TAS2R1: variants seen among roughly 807,000 people sequenced by gnomAD.
TAS2R1 encodes the protein taste receptor type 2 member 1.
For synonymous variants in TAS2R1, 141 were observed against 134.2 expected, an observed-to-expected ratio of 1.05 and a Z score of -0.35; for missense variants, 370 against 353.4, an observed-to-expected ratio of 1.05 and a Z score of -0.38.
chr5:9,786,452 T>A, the TAS2R1 span, among the ~76,000 whole-genome samples: 35 of 152,192 alleles, frequency 2.3e-4, no homozygotes, highest in Non-Finnish European at 4.4e-4. Context: ...GGGATGTGAA[T>A]TTCAAAGGTG....
At chr5:9,635,450 A>C (rs561029667) in intron 2 of TAS2R1, among the ~76,000 whole-genome samples, 2 of 152,002 alleles carry the variant, frequency 1.3e-5, no homozygotes, top group African/African-American at 2.4e-5. Context: ...TTAGGGTGAT[A>C]CTGGCTTCAC....
the TAS2R1 span, among the ~76,000 whole-genome samples, chr5:9,756,195 A>G: frequency 6.6e-6 from 1 of 152,184 alleles, no homozygotes; most frequent in Non-Finnish European, 1.5e-5. Flanking sequence ...AATCCTTTCC[A>G]TGAGATCTAA....
chr5:9,869,127 C>T, the TAS2R1 span, among the ~76,000 whole-genome samples: 1 of 152,216 alleles, frequency 6.6e-6, no homozygotes, highest in East Asian at 1.9e-4. Context: ...ACTGTTCCAA[C>T]CTCTGCCTGT....
At chr5:9,650,799 C>A (rs1447615837) in intron 2 of TAS2R1, among the ~76,000 whole-genome samples, 1 of 152,138 alleles carries the variant, frequency 6.6e-6, no homozygotes, top group South Asian at 2.1e-4. Flanking sequence ...TATTTTCTGT[C>A]CCTCTTCCTA....
At chr5:9,680,951 T>C (rs2126510188) in intron 1 of TAS2R1, among the ~76,000 whole-genome samples, 2 of 152,190 alleles carry the variant, frequency 1.3e-5, no homozygotes, top group South Asian at 4.2e-4. Flanking sequence ...TAATCCCAAC[T>C]GCTCGGAGGC....
the TAS2R1 span, among the ~76,000 whole-genome samples, chr5:9,873,302 T>C: frequency 6.6e-5 from 10 of 151,700 alleles, no homozygotes; most frequent in African/African-American, 2.2e-4. Flanking sequence ...GCTAAAAGGC[T>C]CCCTGTAGAG....
the TAS2R1 span, among the ~76,000 whole-genome samples, chr5:9,900,468 G>A: frequency 6.6e-6 from 1 of 152,130 alleles, no homozygotes; most frequent in Non-Finnish European, 1.5e-5. Context: ...TTTTGTTTCA[G>A]TATCAAATGC....
At chr5:9,687,873 C>A (rs942188634) in intron 1 of TAS2R1, among the ~76,000 whole-genome samples, 1 of 152,196 alleles carries the variant, frequency 6.6e-6, no homozygotes, top group Non-Finnish European at 1.5e-5. Context: ...CTTTCTGTAA[C>A]CTCAAGACAT....
the TAS2R1 span, among the ~76,000 whole-genome samples, chr5:9,803,316 A>G: frequency 6.6e-6 from 1 of 152,238 alleles, no homozygotes; most frequent in Non-Finnish European, 1.5e-5. Flanking sequence ...TGGAAAATAT[A>G]TTTAAGGGAA....
the TAS2R1 span, among the ~76,000 whole-genome samples, chr5:9,843,449 A>T: frequency 2.0e-5 from 3 of 152,170 alleles, no homozygotes; most frequent in Non-Finnish European, 4.4e-5. Flanking sequence ...AATATCTTGC[A>T]ACTAATCTAT....
At chr5:9,816,900 A>C in the TAS2R1 span, among the ~76,000 whole-genome samples, 1 of 152,194 alleles carries the variant, frequency 6.6e-6, no homozygotes, top group Admixed American at 6.5e-5. Flanking sequence ...TGAGATGACA[A>C]CAGTGGTTAA....
At chr5:9,744,717 C>T in the TAS2R1 span, among the ~76,000 whole-genome samples, 1 of 152,106 alleles carries the variant, frequency 6.6e-6, no homozygotes, top group Non-Finnish European at 1.5e-5. Flanking sequence ...GAACTGGTGA[C>T]TATGTGAGGT....
At position 9,694,014 on chromosome 5, in the gene TAS2R1, T is replaced by C. The variant is rs76266357; in HGVS notation, c.-242+18158A>G. On this transcript the variant is annotated intron_variant, in intron 1 of 2. Coordinates refer to the TAS2R1 transcript ENST00000506620. ...AAAGTAAATTGAGAAGAACGAGCTT[T>C]TTAGTTTTTCCCCTGAGAGATATCC... Among the ~76,000 whole-genome samples the C allele has an allele frequency of 2.6e-3, 395 of 152,346 alleles. 2 individuals are homozygous for C. The highest frequency in any genetic ancestry group is 8.9e-3 in the African/African-American group (372 of 41,572).
chr5:9,842,428 C>G, the TAS2R1 span, among the ~76,000 whole-genome samples: 1 of 147,992 alleles, frequency 6.8e-6, no homozygotes, highest in Non-Finnish European at 1.5e-5. Context: ...TTAAGCAATT[C>G]TCCTGCCTCA....
chr5:9,746,416 A>T, the TAS2R1 span, among the ~76,000 whole-genome samples: 2 of 152,134 alleles, frequency 1.3e-5, no homozygotes, highest in East Asian at 3.9e-4. Flanking sequence ...CCATTACTGG[A>T]TATATACCCA....
chr5:9,730,716 T>C, the TAS2R1 span, among the ~76,000 whole-genome samples: 1 of 152,136 alleles, frequency 6.6e-6, no homozygotes, highest in Non-Finnish European at 1.5e-5. Context: ...GGTTTGGCTG[T>C]GTCCCCACCC....
chr5:9,656,902 G>A lies in TAS2R1; in HGVS notation c.-81+2519C>T, dbSNP rs1442164137. ...GTTAATGGCATCTCTTTGTTCATTG[G>A]TTGTAAGATAAAACAACCTTAAGAG... On this transcript the variant is annotated intron_variant, in intron 2 of 2. Coordinates refer to the TAS2R1 transcript ENST00000506620. Among the ~76,000 whole-genome samples, 49 of 152,010 alleles carry A rather than the reference G, an allele frequency of 3.2e-4. 1 individual carries two copies. Among genetic ancestry groups the A allele is most frequent in the Non-Finnish European group, 4.4e-5 (3 of 67,984 alleles).
At chr5:9,751,001 T>C in the TAS2R1 span, among the ~76,000 whole-genome samples, 2,396 of 151,788 alleles carry the variant, frequency 0.016, 55 homozygotes, top group African/African-American at 0.052. Flanking sequence ...GTAGGTGTAA[T>C]ACTAGCTACT....
At chr5:9,814,856 A>G in the TAS2R1 span, among the ~76,000 whole-genome samples, 6 of 152,214 alleles carry the variant, frequency 3.9e-5, no homozygotes, top group African/African-American at 1.4e-4. Flanking sequence ...AAGTCCCACT[A>G]ACTTAGTAAT....
Sources: gnomAD v4.1 joint callset for allele counts (sites outside exome capture counted in the v4.1 genomes callset) on GRCh38, gnomAD v4.1.1 for gene constraint, MANE v1.5 for transcripts, NCBI Gene and HGNC (gene_info 2026-07-23, HGNC 2026-07-21) for gene names.